The following GRID1 variants were observed in gnomAD, a reference collection of about 807,000 sequenced individuals.
The protein encoded by GRID1 is glutamate ionotropic receptor delta type subunit 1.
Under a neutral mutation model 98.0 loss-of-function variants are expected in GRID1, and 28 were observed. The ratio of observed to expected loss-of-function variants is 0.29; its 90% CI spans 0.21 to 0.39. GRID1 has a LOEUF of 0.39. Among genes scored for constraint, GRID1 ranks in the 10% least tolerant of loss-of-function variants. The pLI, the probability that GRID1 is intolerant of heterozygous loss-of-function variation, is 1.00. For missense variants in GRID1, 1,111 were observed against 1,340.5 expected (o/e 0.83, Z 2.67); for synonymous variants, 553 against 538.5 (o/e 1.03, Z -0.37).
rs189785384 is a variant in GRID1 at position 86,206,332 on chromosome 10, A to G, written c.520+32T>C. On this transcript the variant is annotated intron_variant, in intron 3 of 15. Transcript: ENST00000327946. The surrounding 1 kb of genome is among the most constrained non-coding windows in gnomAD (Gnocchi z 4.1). ...CAGCATCTGGCCATCCCTGTCCCCA[A>G]GCAGCCCCAGCTCGCCTGCCGGACA... is the stretch of plus-strand genomic sequence containing the variant. 133 of 1,563,506 alleles carry G rather than the reference A, an allele frequency of 8.5e-5. 1 individual carries two copies. The Middle Eastern group carries it at 1.5e-3, about 18-fold the overall frequency.
intron 4 of GRID1, among the ~76,000 whole-genome samples, chr10:86,095,765 GA>G (rs1388358857): frequency 6.6e-6 from 1 of 152,182 alleles, no homozygotes; most frequent in African/African-American, 2.4e-5. Flanking sequence ...CTGCTGGTGG[GA>G]ATGTAAACTA....
At chr10:86,285,720 G>A (rs1046310594) in intron 2 of GRID1, among the ~76,000 whole-genome samples, 1 of 152,194 alleles carries the variant, frequency 6.6e-6, no homozygotes, top group Non-Finnish European at 1.5e-5. Flanking sequence ...AATAGGTACA[G>A]ATTAGATGTA....
chr10:85,682,500 G>T (rs1229648592), intron 12 of GRID1, among the ~76,000 whole-genome samples: 1 of 152,166 alleles, frequency 6.6e-6, no homozygotes, highest in African/African-American at 2.4e-5. Context: ...TCCCACCATA[G>T]ACAACTTTAC....
At chr10:86,035,815 T>C (rs887237723) in intron 4 of GRID1, among the ~76,000 whole-genome samples, 1 of 152,066 alleles carries the variant, frequency 6.6e-6, no homozygotes, top group Non-Finnish European at 1.5e-5. Context: ...TAAATAGATA[T>C]AAGGTGAGAT....
intron 2 of GRID1, among the ~76,000 whole-genome samples, chr10:86,326,428 TA>T (rs1848051355): frequency 1.3e-5 from 2 of 152,342 alleles, no homozygotes; most frequent in South Asian, 4.1e-4. Context: ...ACTGAGCACT[TA>T]TTTACCTAAT....
intron 4 of GRID1, among the ~76,000 whole-genome samples, chr10:86,023,665 C>G (rs1843079069): frequency 1.3e-5 from 2 of 152,122 alleles, no homozygotes; most frequent in Admixed American, 6.5e-5. Context: ...ACCACCTCCC[C>G]CTGACCAAAC....
intron 3 of GRID1, among the ~76,000 whole-genome samples, chr10:86,186,639 AT>A (rs1845729281): frequency 6.6e-6 from 1 of 152,202 alleles, no homozygotes; most frequent in African/African-American, 2.4e-5. Context: ...CATCTGGAAA[AT>A]GGGGCCAAAA....
At chr10:86,333,350 T>C (rs561570578) in intron 2 of GRID1, among the ~76,000 whole-genome samples, 81 of 152,384 alleles carry the variant, frequency 5.3e-4, no homozygotes, top group Non-Finnish European at 1.1e-3. Flanking sequence ...GCTTCTAGGA[T>C]AATTTCCCAT....
intron 3 of GRID1, among the ~76,000 whole-genome samples, chr10:86,187,034 G>A (rs921983350): frequency 5.3e-5 from 8 of 152,304 alleles, no homozygotes; most frequent in South Asian, 4.1e-4. Context: ...AAGAGCCAAG[G>A]AAAGGCAGCC....
chr10:86,064,442 G>T (rs756583157), intron 4 of GRID1, among the ~76,000 whole-genome samples: 12 of 152,346 alleles, frequency 7.9e-5, no homozygotes, highest in Non-Finnish European at 1.3e-4. Context: ...TGGCCTGGAA[G>T]GGATGCAAGT....
At chr10:85,980,174 A>T (rs187767247) in intron 4 of GRID1, among the ~76,000 whole-genome samples, 2 of 152,340 alleles carry the variant, frequency 1.3e-5, no homozygotes, top group East Asian at 3.9e-4. Flanking sequence ...CTTACCCGTC[A>T]GACCCCAGCT....
intron 4 of GRID1, among the ~76,000 whole-genome samples, chr10:85,947,980 C>T (rs1842074113): frequency 6.6e-6 from 1 of 152,276 alleles, no homozygotes; most frequent in East Asian, 1.9e-4. Context: ...AATGGTATTG[C>T]TTTGCCAGGT....
At chr10:85,893,081 C>T (rs1368572966) in intron 5 of GRID1, among the ~76,000 whole-genome samples, 2 of 151,990 alleles carry the variant, frequency 1.3e-5, no homozygotes, top group African/African-American at 4.8e-5. Context: ...TGGTTTTACA[C>T]TTGAAAGTGA....
rs190146248 is a variant in GRID1 at position 85,775,256 on chromosome 10, C to T, written c.1234-45642G>A. ...AAACCAAACACCACATATTCTCACT[C>T]ATAGGTGGGAATTGAACAATGAGAA... On this transcript the variant is annotated intron_variant, in intron 8 of 15. Transcript: ENST00000327946. 4.2e-3 allele frequency among the ~76,000 whole-genome samples: 589 copies of T among 139,638 alleles called. 3 individuals are homozygous for T. Among genetic ancestry groups the T allele is most frequent in the African/African-American group, 0.015 (552 of 37,396 alleles). The allele number at this position is 139,638 out of a possible 152,430, so 91.6% of individuals were successfully genotyped here.
At chr10:85,859,110 T>G (rs1404333543) in intron 6 of GRID1, among the ~76,000 whole-genome samples, 1 of 152,202 alleles carries the variant, frequency 6.6e-6, no homozygotes, top group Non-Finnish European at 1.5e-5. Flanking sequence ...CATATCACCC[T>G]AGATGTACCC....
At chr10:86,113,484 T>G (rs2131953700) in intron 4 of GRID1, among the ~76,000 whole-genome samples, 1 of 152,278 alleles carries the variant, frequency 6.6e-6, no homozygotes, top group East Asian at 1.9e-4. Context: ...AAAGTCAGAG[T>G]GGTCACATAG....
intron 8 of GRID1, among the ~76,000 whole-genome samples, chr10:85,760,709 C>T (rs1842139230): frequency 6.6e-6 from 1 of 152,128 alleles, no homozygotes; most frequent in African/African-American, 2.4e-5. Flanking sequence ...GTCTCAAGCA[C>T]AATTTCCTCA....
chr10:85,956,257 A>G lies in GRID1; in HGVS notation c.727-40018T>C, dbSNP rs1263241527. On this transcript the variant is annotated intron_variant, in intron 4 of 15. Transcript: ENST00000327946. Reference sequence around the variant, plus strand: ...ACCTGCTGTGCAAGTCCTGCACTCCAGGTGTAAGTTCCTTACACCTGGGCA... The same window carrying G: ...ACCTGCTGTGCAAGTCCTGCACTCCGGGTGTAAGTTCCTTACACCTGGGCA... Among the ~76,000 whole-genome samples the G allele has an allele frequency of 2.6e-5, 4 of 152,348 alleles. No individual in the cohort carries two copies. In the East Asian group the frequency reaches 5.8e-4, roughly 22 times the overall value.
intron 4 of GRID1, among the ~76,000 whole-genome samples, chr10:86,057,625 A>G (rs1351573454): frequency 2.6e-5 from 4 of 152,116 alleles, no homozygotes; most frequent in Non-Finnish European, 5.9e-5. Context: ...CCCTCAGCAC[A>G]GAGGGATCAG....
Sources: allele counts gnomAD v4.1 joint callset (sites outside exome capture counted in the v4.1 genomes callset), GRCh38; gene constraint gnomAD v4.1.1; non-coding constraint Gnocchi (gnomAD v3.1); transcripts MANE v1.5; gene names NCBI Gene and HGNC (gene_info 2026-07-23, HGNC 2026-07-21).